The following NLRP12 variants were observed in gnomAD, a reference collection of about 807,000 sequenced individuals.
The protein encoded by NLRP12 is NLR family pyrin domain containing 12, also known as NACHT, LRR and PYD domains-containing protein 12.
In NLRP12, 108 loss-of-function variants were observed where a neutral mutation model predicts 91.2. That is an observed-to-expected ratio of 1.18 (90% CI 1.01 to 1.39). The LOEUF is 1.39. Among genes scored for constraint, NLRP12 ranks in the 40% most tolerant of loss-of-function variants. The pLI, the probability that NLRP12 is intolerant of heterozygous loss-of-function variation, is 0.00. For missense variants in NLRP12, 1,530 were observed against 1,352.7 expected (o/e 1.13, Z -2.06); for synonymous variants, 613 against 566.7 (o/e 1.08, Z -1.16).
In NLRP12 at chr19:53,804,078, G is replaced by A. The variant is rs762058684; in HGVS notation, c.2459C>T (p.Ala820Val). The change falls in exon 6 of 10, where the codon GCT (alanine) becomes GTT (valine). Residue 820 changes from alanine to valine, a missense_variant. By Grantham distance (64) the Ala-to-Val change is moderately conservative. Transcript: ENST00000324134. ...QLESGACQEMASVLGTNPHLV... is the reference protein window; with the variant it reads ...QLESGACQEMVSVLGTNPHLV... ...ATGTGGGTTGGTGCCGAGCACAGAA[G>A]CCATCTCCTGACAAGCCCCGGACTC... 10 of 1,613,928 alleles carry A rather than the reference G, an allele frequency of 6.2e-6. No individual in the cohort carries two copies. The South Asian group carries it at 8.8e-5, about 14-fold the overall frequency.
At chr19:53,814,818 C>A (rs1375562647) in intron 2 of NLRP12, 90 bp downstream of exon 2, 2 of 1,025,714 alleles carry the variant, frequency 1.9e-6, no homozygotes, top group African/African-American at 3.1e-5. Flanking sequence ...CCACGAATTC[C>A]TCAATCACGC....
intron 2 of NLRP12, among the ~76,000 whole-genome samples, chr19:53,813,380 CA>C (rs1196436254): frequency 7.1e-6 from 1 of 139,950 alleles, no homozygotes; most frequent in African/African-American, 2.8e-5. Context: ...CGGCTTACTG[CA>C]AGCTCCGCCT....
At chr19:53,813,508 T>C (rs2092112913) in intron 2 of NLRP12, among the ~76,000 whole-genome samples, 1 of 151,746 alleles carries the variant, frequency 6.6e-6, no homozygotes, top group Non-Finnish European at 1.5e-5. Context: ...TTCACCGTGT[T>C]AGCCAGGATG....
At position 53,809,977 on chromosome 19, in the gene NLRP12, C is replaced by T. The variant is rs1276930622; in HGVS notation, c.1682G>A (p.Arg561His). Residue 561 changes from arginine to histidine, a missense_variant, in exon 3 of 10, where the codon CGC becomes CAC. Transcript: ENST00000324134. ...CTCGTTCAGGAGTCCAAACAGGAAG[C>T]GGCTGGTGAGTGCCAGGAAGCTCCT... The part of the protein sequence containing the change: ...SERSFLALTS[R>H]FLFGLLNEET... 1.9e-6 allele frequency: 3 copies of T among 1,614,088 alleles called. No individual in the cohort carries two copies. The highest frequency in any genetic ancestry group is 3.3e-5 in the Admixed American group (2 of 59,996).
At chr19:53,801,730 C>T (rs2091878599) in intron 6 of NLRP12, among the ~76,000 whole-genome samples, 1 of 151,862 alleles carries the variant, frequency 6.6e-6, no homozygotes, top group Admixed American at 6.6e-5. Flanking sequence ...ACTGGAATTA[C>T]AGGCGTGAGC....
At chr19:53,801,171 A>T in intron 7 of NLRP12, 56 bp downstream of exon 7, 1 of 1,540,148 alleles carries the variant, frequency 6.5e-7, no homozygotes. Context: ...GTCCCAGGTG[A>T]GAGGGCTGCG....
chr19:53,803,055 A>C (rs1033034251), intron 6 of NLRP12, among the ~76,000 whole-genome samples: 3 of 151,926 alleles, frequency 2.0e-5, no homozygotes, highest in African/African-American at 7.3e-5. Context: ...TGCCCTTCTG[A>C]ATATTTTTGA....
rs753612159 is a variant in NLRP12, at chr19:53,801,258, T to C, written c.2725A>G (p.Arg909Gly). 6.2e-7 allele frequency: 1 copy of C among 1,613,858 alleles called. No homozygotes were observed. Among genetic ancestry groups the C allele is most frequent in the South Asian group, 1.1e-5 (1 of 91,080 alleles). The change falls in exon 7 of 10, where the codon AGG becomes GGG. Residue 909 changes from arginine (R) to glycine (G), a missense_variant. By Grantham distance (125) the Arg-to-Gly change is moderately radical (BLOSUM62 -2). Transcript: ENST00000324134. ...LGVLLLCEGL[R>G]HPTCKLQTLR... ...GTCTGGAGCTTGCACGTGGGATGCC[T>C]GAGGCCCTCACACAGCAGCAGCACC...
At chr19:53,796,722 C>A (rs985236026) in intron 8 of NLRP12, among the ~76,000 whole-genome samples, 9 of 148,610 alleles carry the variant, frequency 6.1e-5, no homozygotes, top group Admixed American at 2.7e-4. Context: ...TTAGGCCGGG[C>A]GTGGTGGCTC....
chr19:53,796,136 T>C (rs1228538147), intron 8 of NLRP12, 107 bp from the exon 9 acceptor site: 5 of 1,066,354 alleles, frequency 4.7e-6, no homozygotes, highest in Non-Finnish European at 7.1e-6. Flanking sequence ...GTGAGATTTC[T>C]GTTCACTGCA....
intron 4 of NLRP12, among the ~76,000 whole-genome samples, chr19:53,806,043 G>C (rs1253783893): frequency 6.7e-6 from 1 of 148,868 alleles, no homozygotes; most frequent in Non-Finnish European, 1.5e-5. Flanking sequence ...TGACCAGCCT[G>C]GCCAACACAG....
rs1281413249 is a variant in NLRP12 at position 53,819,481 on chromosome 19, GTGTA to G, written c.289+4401_289+4404del. 9.6e-3 allele frequency among the ~76,000 whole-genome samples: 163 copies of G among 16,930 alleles called. 26 individuals carry two copies. The highest frequency in any genetic ancestry group is 0.018 in the South Asian group (9 of 492). The allele number at this position is 16,930 out of a possible 152,430, so 11.1% of individuals were successfully genotyped here. A position where few individuals can be genotyped will look rare whatever the true frequency, so the allele number is the denominator to read the frequency against. ...TATGTGTGTGTGTGTGTGTGTGTGTGTGTATATACATATGTGTATATATATGTAT... is the reference window on the plus strand; with the variant it reads ...TATGTGTGTGTGTGTGTGTGTGTGTGTATACATATGTGTATATATATGTAT... On this transcript the variant is annotated intron_variant, in intron 1 of 9. Coordinates refer to ENST00000324134, the MANE Select transcript of NLRP12 (RefSeq NM_144687.4).
intron 6 of NLRP12, among the ~76,000 whole-genome samples, chr19:53,802,349 G>A (rs1414654564): frequency 6.6e-6 from 1 of 152,034 alleles, no homozygotes; most frequent in African/African-American, 2.4e-5. Flanking sequence ...AATCATTGGG[G>A]AAATACAAAT....
chr19:53,794,216 T>C, intron 9 of NLRP12, 80 bp from the exon 10 acceptor site: 2 of 930,964 alleles, frequency 2.1e-6, no homozygotes, highest in South Asian at 1.3e-5. Context: ...TATTGTGCAC[T>C]ACCGTGGTAA....
intron 7 of NLRP12, among the ~76,000 whole-genome samples, chr19:53,800,353 C>T (rs188344887): frequency 3.3e-5 from 5 of 152,182 alleles, no homozygotes; most frequent in Non-Finnish European, 2.9e-5. Flanking sequence ...CTTGCAGTCC[C>T]AGCTACTCAG....
intron 1 of NLRP12, among the ~76,000 whole-genome samples, chr19:53,823,477 T>C (rs1444880905): frequency 8.2e-5 from 7 of 85,380 alleles, no homozygotes; most frequent in South Asian, 3.2e-4. Flanking sequence ...ATATTTAAAA[T>C]ATATATTTTA....
Position 53,811,022 on chromosome 19 carries a change from C to G in NLRP12, c.637G>C (p.Val213Leu), listed in dbSNP as rs762132235. The change falls in exon 3 of 10, where the codon GTG (valine) becomes CTG (leucine). Residue 213 changes from valine (V) to leucine (L), a missense_variant. By Grantham distance (32) the Val-to-Leu change is conservative. Transcript: ENST00000324134. ...ATCCCTGCCGCGCCTTGCATGACCA[C>G]GGTGCGCGGTGGCTCGGGGCGCTCC... ...DEERPEPPRTVVMQGAAGIGK... is the reference protein window; with the variant it reads ...DEERPEPPRTLVMQGAAGIGK... 6.2e-7 allele frequency: 1 copy of G among 1,613,182 alleles called. No homozygotes were observed. The highest frequency in any genetic ancestry group is 1.1e-5 in the South Asian group (1 of 91,078).
At chr19:53,805,920 C>T (rs1189398601) in intron 4 of NLRP12, 1 of 210,886 alleles carries the variant, frequency 4.7e-6, no homozygotes, top group Non-Finnish European at 9.7e-6. Context: ...TAGTCAAATA[C>T]ATTCACAAAG....
intron 8 of NLRP12, among the ~76,000 whole-genome samples, 185 bp downstream of exon 8, chr19:53,798,058 G>A (rs748912296): frequency 3.3e-5 from 5 of 152,182 alleles, no homozygotes; most frequent in Non-Finnish European, 5.9e-5. Context: ...ATTTTAAGTC[G>A]GGTAGCACCC....
Sources: allele counts gnomAD v4.1 joint callset (sites outside exome capture counted in the v4.1 genomes callset), GRCh38; gene constraint gnomAD v4.1.1; transcripts MANE v1.5; gene names NCBI Gene and HGNC (gene_info 2026-07-23, HGNC 2026-07-21).